SCYL3: variants seen among roughly 807,000 people sequenced by gnomAD.
SCYL3 encodes the protein protein-associating with the carboxyl-terminal domain of ezrin.
SCYL3 carries 35 observed loss-of-function variants against 73.8 expected under a neutral mutation model. The observed-to-expected ratio is 0.47, with a 90% CI of 0.36 to 0.63. The LOEUF is 0.63. SCYL3 is among the 20% of genes least tolerant of loss of function. The probability of loss-of-function intolerance (pLI) is 0.00; values close to 1 mark genes in which losing one functional copy is unlikely to be tolerated. For synonymous variants in SCYL3, 277 were observed against 295.2 expected (o/e 0.94, Z 0.63); for missense variants, 712 against 798.9 (o/e 0.89, Z 1.31).
chr1:169,855,613 C>T (rs1659063355), intron 11 of SCYL3, among the ~76,000 whole-genome samples: 1 of 152,152 alleles, frequency 6.6e-6, no homozygotes, highest in African/African-American at 2.4e-5. Flanking sequence ...CTGCACTTCT[C>T]ACCAACTATA....
chr1:169,849,932 T>A lies in SCYL3; in HGVS notation c.*3781A>T. ...ACATTTCATTTTGTGCTATCAGTCA[T>A]AAGGGTTAGGCTGATGAACCTAAAC... On this transcript the variant is annotated 3_prime_UTR_variant, in exon 13 of 13. Coordinates refer to ENST00000367771, the MANE Select transcript of SCYL3 (RefSeq NM_020423.7). The A allele has an allele frequency of 2.1e-6, 1 of 466,800 alleles. No individual in the cohort carries two copies. Among genetic ancestry groups the A allele is most frequent in the Non-Finnish European group, 3.8e-6 (1 of 259,884 alleles). 28.9% of individuals were successfully genotyped at this position (466,800 alleles called of 1,614,324 possible).
intron 7 of SCYL3, 91 bp downstream of exon 7, chr1:169,868,837 C>T: frequency 2.4e-6 from 2 of 827,194 alleles, no homozygotes; most frequent in Non-Finnish European, 4.0e-6. Flanking sequence ...ATTTGGTCCT[C>T]CAAAAACCCC....
In SCYL3 at chr1:169,876,100, A is replaced by G. The variant is rs1486958243; in HGVS notation, c.352-9T>C. Reference sequence around the variant, plus strand: ...TTGTGTGTTAGGTGTCCCTGGAAAAAAAAAAGAACAGAAGGAAGAGTGCCA... The same window carrying G: ...TTGTGTGTTAGGTGTCCCTGGAAAAGAAAAAGAACAGAAGGAAGAGTGCCA... On this transcript the variant is annotated splice_polypyrimidine_tract_variant and intron_variant, in intron 3 of 12. Coordinates refer to ENST00000367771, the MANE Select transcript of SCYL3 (RefSeq NM_020423.7). The G allele has an allele frequency of 4.6e-6, 7 of 1,524,616 alleles. No homozygotes were observed. The highest frequency in any genetic ancestry group is 5.3e-6 in the Non-Finnish European group (6 of 1,126,630). The allele number at this position is 1,524,616 out of a possible 1,614,324, so 94.4% of individuals were successfully genotyped here.
intron 11 of SCYL3, among the ~76,000 whole-genome samples, chr1:169,858,778 C>G (rs1162469112): frequency 6.6e-6 from 1 of 151,838 alleles, no homozygotes; most frequent in African/African-American, 2.4e-5. Flanking sequence ...CGAGGTCCTT[C>G]GTTAACCAAA....
At position 169,853,563 on chromosome 1, in the gene SCYL3, A is replaced by T; in HGVS notation, c.*150T>A. The stretch of plus-strand genomic sequence containing the variant: ...AGCCAGCACTCACAGTCAGTCTCCT[A>T]CTTCAGTTGGCACAGACTGGATAAT... On this transcript the variant is annotated 3_prime_UTR_variant, in exon 13 of 13. Coordinates refer to ENST00000367771, the MANE Select transcript of SCYL3 (RefSeq NM_020423.7). 1.3e-6 allele frequency: 1 copy of T among 762,624 alleles called. No individual in the cohort carries two copies. Among genetic ancestry groups the T allele is most frequent in the Non-Finnish European group, 2.2e-6 (1 of 464,332 alleles). The allele number at this position is 762,624 out of a possible 1,614,324, so 47.2% of individuals were successfully genotyped here. A position where few individuals can be genotyped will look rare whatever the true frequency, so the allele number is the denominator to read the frequency against.
chr1:169,857,726 G>A (rs4656198), intron 11 of SCYL3, among the ~76,000 whole-genome samples: 26,101 of 148,440 alleles, frequency 0.18, 2,520 homozygotes, highest in Middle Eastern at 0.26. Flanking sequence ...TACCATTTAA[G>A]CAAAAATCCT....
intron 6 of SCYL3, 142 bp from the exon 7 acceptor site, chr1:169,869,181 T>G: frequency 1.6e-6 from 1 of 644,552 alleles, no homozygotes; most frequent in Non-Finnish European, 2.7e-6. Flanking sequence ...AGCTTCCTGC[T>G]TGCCTTAGGC....
At chr1:169,880,823 G>A (rs12116601) in intron 2 of SCYL3, among the ~76,000 whole-genome samples, 9,864 of 149,784 alleles carry the variant, frequency 0.066, 422 homozygotes, top group Non-Finnish European at 0.1. Flanking sequence ...GTGCAGTGGC[G>A]CAATCTCAGC....
chr1:169,855,980 A>C (rs751296833), intron 11 of SCYL3: 2 of 1,605,996 alleles, frequency 1.2e-6, no homozygotes, highest in Non-Finnish European at 1.7e-6. Flanking sequence ...AAAAACTCCA[A>C]AACATGAAAG....
intron 11 of SCYL3, chr1:169,856,090 A>ATTCTCTCCTC (rs1659131858): frequency 2.7e-6 from 2 of 751,008 alleles, no homozygotes; most frequent in Admixed American, 5.9e-5. Context: ...GGAGGAGAGA[A>ATTCTCTCCTC]CATCTTCAAA....
intron 2 of SCYL3, among the ~76,000 whole-genome samples, chr1:169,883,019 C>T (rs539987907): frequency 3.5e-4 from 54 of 152,274 alleles, no homozygotes; most frequent in African/African-American, 1.3e-3. Flanking sequence ...TTGCTGCTCA[C>T]TCTTTGGGTC....
At chr1:169,866,618 T>C (rs1388120858) in intron 8 of SCYL3, among the ~76,000 whole-genome samples, 1 of 152,150 alleles carries the variant, frequency 6.6e-6, no homozygotes, top group East Asian at 1.9e-4. Context: ...GAATACCTTT[T>C]CTCTAACGAC....
In SCYL3 at chr1:169,852,037, A is replaced by G. The variant is rs1658421682; in HGVS notation, c.*1676T>C. ...CAGTGTGGTTTCCAGCCTTATGCTG[A>G]ATTTCAAATCAAATAGATCTAGACA... On this transcript the variant is annotated 3_prime_UTR_variant, in exon 13 of 13. Transcript: ENST00000367771. 6.5e-7 allele frequency: 1 copy of G among 1,526,934 alleles called. No homozygotes were observed. The highest frequency in any genetic ancestry group is 1.4e-5 in the African/African-American group (1 of 73,052). 94.6% of individuals were successfully genotyped at this position (1,526,934 alleles called of 1,614,324 possible). A position where few individuals can be genotyped will look rare whatever the true frequency, so the allele number is the denominator to read the frequency against.
At chr1:169,892,556 A>G (rs1171381361) in intron 1 of SCYL3, among the ~76,000 whole-genome samples, 7 of 152,260 alleles carry the variant, frequency 4.6e-5, no homozygotes, top group African/African-American at 1.7e-4. Context: ...CTTTGAAATT[A>G]AAAAGTCACA....
At chr1:169,879,984 G>C (rs912210229) in intron 2 of SCYL3, among the ~76,000 whole-genome samples, 3 of 151,892 alleles carry the variant, frequency 2.0e-5, no homozygotes, top group Non-Finnish European at 2.9e-5. Context: ...AATGATCAGA[G>C]GGGCCAGGTT....
rs780218486 is a variant in SCYL3 at position 169,854,714 on chromosome 1, G to A, written c.1563C>T (p.Pro521=). ...GGTTTACTTTAGTATCTAAGCTGCT[G>A]GGCTCGCAGTCATCCCAAGATGACT... ...VEESSWDDCE[P]SSLDTKVNPG... The change falls in exon 12 of 13, where the codon CCC becomes CCT. Residue 521 remains proline (P), a synonymous_variant. Transcript: ENST00000367771. The A allele has an allele frequency of 9.9e-6, 16 of 1,613,874 alleles. No individual in the cohort carries two copies. In the South Asian group the frequency reaches 1.8e-4, roughly 18 times the overall value.
At chr1:169,857,251 T>C (rs985294833) in intron 11 of SCYL3, among the ~76,000 whole-genome samples, 1 of 152,232 alleles carries the variant, frequency 6.6e-6, no homozygotes, top group African/African-American at 2.4e-5. Flanking sequence ...ATCTACTAAA[T>C]TTAAAATATA....
chr1:169,879,546 C>T (rs1661098428), intron 2 of SCYL3, among the ~76,000 whole-genome samples: 1 of 152,166 alleles, frequency 6.6e-6, no homozygotes, highest in Non-Finnish European at 1.5e-5. Context: ...AAACATGAGG[C>T]CTGAACCTAA....
chr1:169,882,687 G>A (rs918692464), intron 2 of SCYL3, among the ~76,000 whole-genome samples: 1 of 152,160 alleles, frequency 6.6e-6, no homozygotes, highest in African/African-American at 2.4e-5. Flanking sequence ...AGCGCCCTGT[G>A]TCTAGCTCAA....
Sources: gnomAD v4.1 joint callset for allele counts (sites outside exome capture counted in the v4.1 genomes callset) on GRCh38, gnomAD v4.1.1 for gene constraint, MANE v1.5 for transcripts, NCBI Gene and HGNC (gene_info 2026-07-23, HGNC 2026-07-21) for gene names.